The following CHRM3 variants were observed in gnomAD, a reference collection of about 807,000 sequenced individuals.
The protein encoded by CHRM3 is muscarinic acetylcholine receptor M3.
Under a neutral mutation model 41.8 loss-of-function variants are expected in CHRM3, and 11 were observed. That is an observed-to-expected ratio of 0.26 (90% CI 0.17 to 0.44). CHRM3 has a LOEUF of 0.44. Among genes scored for constraint, CHRM3 ranks in the 20% least tolerant of loss-of-function variants. The pLI, the probability that CHRM3 is intolerant of heterozygous loss-of-function variation, is 1.00. For synonymous variants in CHRM3, 297 were observed against 301.4 expected (o/e 0.99, Z 0.15); for missense variants, 571 against 745.4 (o/e 0.77, Z 2.72).
At chr1:239,475,941 T>C (rs1350901087) in intron 1 of CHRM3, among the ~76,000 whole-genome samples, 1 of 152,152 alleles carries the variant, frequency 6.6e-6, no homozygotes, top group East Asian at 1.9e-4. Flanking sequence ...AGAAAATCAT[T>C]CATTTGGTCT....
At chr1:239,597,809 A>AT (rs1309882717) in intron 3 of CHRM3, among the ~76,000 whole-genome samples, 6 of 136,070 alleles carry the variant, frequency 4.4e-5, no homozygotes, top group Non-Finnish European at 4.7e-5. Flanking sequence ...TGTTGATGGG[A>AT]TTTTTTTACT....
chr1:239,673,022 A>G (rs1674531797), intron 4 of CHRM3, among the ~76,000 whole-genome samples: 1 of 152,140 alleles, frequency 6.6e-6, no homozygotes, highest in Non-Finnish European at 1.5e-5. Flanking sequence ...CTGGTTTACC[A>G]TTCTTCCTAC....
chr1:239,508,772 T>A (rs571155875), intron 2 of CHRM3, among the ~76,000 whole-genome samples: 1 of 152,360 alleles, frequency 6.6e-6, no homozygotes, highest in East Asian at 1.9e-4. Context: ...ATCCTAGATC[T>A]ATCTCTGACT....
intron 1 of CHRM3, among the ~76,000 whole-genome samples, chr1:239,482,063 T>G (rs1455881286): frequency 6.6e-6 from 1 of 152,150 alleles, no homozygotes; most frequent in Non-Finnish European, 1.5e-5. Context: ...AAGGCTTATT[T>G]TTTTCATTTT....
intron 2 of CHRM3, among the ~76,000 whole-genome samples, chr1:239,540,620 G>C (rs1658683505): frequency 6.6e-6 from 1 of 152,092 alleles, no homozygotes; most frequent in South Asian, 2.1e-4. Flanking sequence ...AGAAATTGAG[G>C]AACTTCAAAT....
At position 239,869,392 on chromosome 1, in the gene CHRM3, G is replaced by C. The variant is rs368052149; in HGVS notation, c.-19-38041G>C. On this transcript the variant is annotated intron_variant, in intron 6 of 6. Transcript: ENST00000676153. ...CAGCTTTAATCTCTCCATCTGAAAA[G>C]AACCCATAGTCAAAGAACAGCCTTG... 5.2e-4 allele frequency among the ~76,000 whole-genome samples: 79 copies of C among 152,280 alleles called. 4 individuals carry two copies. Among genetic ancestry groups the C allele is most frequent in the South Asian group, 2.3e-3 (11 of 4,822 alleles).
intron 1 of CHRM3, among the ~76,000 whole-genome samples, chr1:239,480,548 T>G (rs12118522): frequency 0.022 from 2,326 of 104,150 alleles, 23 homozygotes; most frequent in South Asian, 0.035. Context: ...GCCCAATTTT[T>G]TTTTTTTTTT....
chr1:239,793,973 C>G (rs1439736325), intron 5 of CHRM3, among the ~76,000 whole-genome samples: 1 of 151,754 alleles, frequency 6.6e-6, no homozygotes, highest in African/African-American at 2.4e-5. Context: ...CCCACCACAC[C>G]CAGCTAATGT....
At chr1:239,797,321 A>G (rs1669862847) in intron 5 of CHRM3, among the ~76,000 whole-genome samples, 5 of 152,122 alleles carry the variant, frequency 3.3e-5, no homozygotes, top group Admixed American at 3.3e-4. Flanking sequence ...TCCAGGTAGC[A>G]AACCTGCACA....
chr1:239,467,946 C>A (rs1665853909), intron 1 of CHRM3, among the ~76,000 whole-genome samples: 1 of 151,796 alleles, frequency 6.6e-6, no homozygotes, highest in African/African-American at 2.4e-5. Flanking sequence ...AAAATGTAAT[C>A]ATTTGTCTTC....
chr1:239,624,639 C>T (rs1188245444), intron 3 of CHRM3, among the ~76,000 whole-genome samples: 68 of 150,260 alleles, frequency 4.5e-4, no homozygotes, highest in Non-Finnish European at 8.0e-4. Flanking sequence ...TTAGGTCTAA[C>T]GTTTAAATCT....
chr1:239,405,622 C>G (rs1660533282), intron 1 of CHRM3, among the ~76,000 whole-genome samples: 1 of 151,980 alleles, frequency 6.6e-6, no homozygotes, highest in Non-Finnish European at 1.5e-5. Flanking sequence ...AAAAATTGTT[C>G]TTTTAGAAAA....
intron 6 of CHRM3, among the ~76,000 whole-genome samples, chr1:239,898,783 G>C (rs1480674084): frequency 6.6e-6 from 1 of 152,040 alleles, no homozygotes; most frequent in Non-Finnish European, 1.5e-5. Context: ...ATGTATATTG[G>C]CCTTGTCCGT....
At chr1:239,431,690 T>C (rs1662846013) in intron 1 of CHRM3, among the ~76,000 whole-genome samples, 2 of 152,210 alleles carry the variant, frequency 1.3e-5, no homozygotes, top group Admixed American at 6.5e-5. Context: ...TTAAGTGCTA[T>C]GAAAGATACA....
intron 1 of CHRM3, among the ~76,000 whole-genome samples, chr1:239,432,894 C>A (rs1218716714): frequency 6.6e-6 from 1 of 152,058 alleles, no homozygotes; most frequent in Non-Finnish European, 1.5e-5. Flanking sequence ...GGATGGTATT[C>A]TTGTTCCTCT....
At chr1:239,460,314 TC>T (rs1273532364) in intron 1 of CHRM3, among the ~76,000 whole-genome samples, 2 of 152,012 alleles carry the variant, frequency 1.3e-5, no homozygotes, top group Non-Finnish European at 2.9e-5. Context: ...CTATTTTTTT[TC>T]CCCCATCATA....
At chr1:239,583,571 C>T (rs1663110865) in intron 3 of CHRM3, among the ~76,000 whole-genome samples, 1 of 152,050 alleles carries the variant, frequency 6.6e-6, no homozygotes, top group Non-Finnish European at 1.5e-5. Flanking sequence ...TTTATTCTTG[C>T]TGGTTAGTTA....
chr1:239,627,780 A>G (rs1379363744), intron 3 of CHRM3, among the ~76,000 whole-genome samples: 1 of 145,388 alleles, frequency 6.9e-6, no homozygotes, highest in East Asian at 2.0e-4. Context: ...TTGGCTGGAT[A>G]TGAAATTCTG....
At chr1:239,598,133 C>A (rs752726318) in intron 3 of CHRM3, among the ~76,000 whole-genome samples, 105 of 152,250 alleles carry the variant, frequency 6.9e-4, no homozygotes, top group Non-Finnish European at 1.2e-3. Context: ...ACTACCAGGG[C>A]AGGTGAGGCT....
Sources: allele counts gnomAD v4.1 joint callset (sites outside exome capture counted in the v4.1 genomes callset), GRCh38; gene constraint gnomAD v4.1.1; transcripts MANE v1.5; gene names NCBI Gene and HGNC (gene_info 2026-07-23, HGNC 2026-07-21).